The following FOCAD variants were observed in gnomAD, a reference collection of about 807,000 sequenced individuals.
FOCAD encodes KIAA1797.
A neutral mutation model predicts 225.6 loss-of-function variants in FOCAD; 198 were observed. The observed-to-expected ratio is 0.88, with a 90% CI of 0.78 to 0.99. The LOEUF (loss-of-function observed/expected upper bound fraction) is 0.99, where lower values mean the gene tolerates loss of function less well. Ranked by LOEUF, FOCAD falls within the 50% of genes least tolerant of loss-of-function variation. The pLI, the probability that FOCAD is intolerant of heterozygous loss-of-function variation, is 0.00. For synonymous variants in FOCAD, 897 were observed against 755.0 expected (o/e 1.19, Z -3.08); for missense variants, 2,713 against 2,123.6 (o/e 1.28, Z -5.46).
intron 36 of FOCAD, among the ~76,000 whole-genome samples, chr9:20,977,433 C>T (rs984099432): frequency 2.6e-5 from 4 of 152,176 alleles, no homozygotes; most frequent in African/African-American, 9.7e-5. Flanking sequence ...ACCTCAACAC[C>T]TCCAGTTCAT....
chr9:20,879,736 G>A (rs1056211227), intron 19 of FOCAD, among the ~76,000 whole-genome samples: 1 of 152,120 alleles, frequency 6.6e-6, no homozygotes, highest in Non-Finnish European at 1.5e-5. Flanking sequence ...TAGTATTTAC[G>A]GGAAGATGAA....
intron 15 of FOCAD, among the ~76,000 whole-genome samples, chr9:20,840,380 C>T (rs556548132): frequency 1.0e-4 from 15 of 149,928 alleles, no homozygotes; most frequent in African/African-American, 3.7e-4. Context: ...ATCTCTTTTA[C>T]TTCTTTGGTT....
At chr9:20,866,229 ATTATC>A (rs1382457219) in intron 17 of FOCAD, among the ~76,000 whole-genome samples, 1 of 151,044 alleles carries the variant, frequency 6.6e-6, no homozygotes, top group Non-Finnish European at 1.5e-5. Context: ...AACTGTTGAT[ATTATC>A]TTATATTTTT....
intron 6 of FOCAD, among the ~76,000 whole-genome samples, chr9:20,763,022 G>A (rs983572313): frequency 1.3e-5 from 2 of 152,154 alleles, no homozygotes; most frequent in African/African-American, 4.8e-5. Flanking sequence ...ATAACTGATT[G>A]TCTCTGTCAG....
At chr9:20,724,387 T>G (rs745537774) in intron 4 of FOCAD, among the ~76,000 whole-genome samples, 19 of 152,198 alleles carry the variant, frequency 1.2e-4, no homozygotes, top group Admixed American at 3.9e-4. Context: ...TTGGCCAACA[T>G]GTGGAAGAAA....
intron 8 of FOCAD, among the ~76,000 whole-genome samples, chr9:20,774,435 T>C (rs1818558063): frequency 6.6e-6 from 1 of 152,230 alleles, no homozygotes; most frequent in Non-Finnish European, 1.5e-5. Context: ...TCTAATCCTA[T>C]CATTCCTTCT....
intron 2 of FOCAD, among the ~76,000 whole-genome samples, chr9:20,666,427 G>T (rs1329712913): frequency 1.3e-5 from 2 of 152,056 alleles, no homozygotes; most frequent in African/African-American, 2.4e-5. Flanking sequence ...GAAAACAGCT[G>T]GAAGTGGTGG....
intron 1 of FOCAD, among the ~76,000 whole-genome samples, chr9:20,708,474 A>G (rs1824566851): frequency 6.6e-6 from 1 of 152,152 alleles, no homozygotes; most frequent in Admixed American, 6.5e-5. Context: ...AGCTTTAAGA[A>G]TGTACTCTGG....
chr9:20,873,515 CTG>C (rs765919503), intron 18 of FOCAD, among the ~76,000 whole-genome samples: 1 of 152,172 alleles, frequency 6.6e-6, no homozygotes, highest in East Asian at 1.9e-4. Flanking sequence ...ATAGTTATCT[CTG>C]TAAGTATGGC....
chr9:20,940,989 C>CT (rs1236271555), intron 28 of FOCAD, among the ~76,000 whole-genome samples: 1 of 151,672 alleles, frequency 6.6e-6, no homozygotes, highest in Non-Finnish European at 1.5e-5. Flanking sequence ...CTTCCTTCTG[C>CT]TTTTTAACTA....
intron 19 of FOCAD, among the ~76,000 whole-genome samples, chr9:20,876,082 A>G (rs377438361): frequency 8.5e-5 from 13 of 152,340 alleles, no homozygotes; most frequent in African/African-American, 3.1e-4. Flanking sequence ...ATTTCTAGAC[A>G]AAGCTCCTTT....
chr9:20,752,807 C>T (rs546061261), intron 5 of FOCAD, among the ~76,000 whole-genome samples: 1 of 152,016 alleles, frequency 6.6e-6, no homozygotes, highest in Non-Finnish European at 1.5e-5. Flanking sequence ...AAAGTTCTTC[C>T]ATTTGTTTGT....
intron 15 of FOCAD, among the ~76,000 whole-genome samples, 198 bp downstream of exon 15, chr9:20,823,313 G>A (rs143232225): frequency 1.3e-5 from 2 of 152,080 alleles, no homozygotes; most frequent in African/African-American, 4.8e-5. Context: ...CAGTCATGTA[G>A]GCATTCTCTA....
At chr9:20,743,839 G>T (rs921997409) in intron 5 of FOCAD, among the ~76,000 whole-genome samples, 4 of 152,314 alleles carry the variant, frequency 2.6e-5, no homozygotes, top group Non-Finnish European at 4.4e-5. Flanking sequence ...CCATACGTGA[G>T]CTTCAAGGTC....
At position 20,756,260 on chromosome 9, in the gene FOCAD, G is replaced by T. The variant is rs578023911; in HGVS notation, c.393-1830G>T. On this transcript the variant is annotated intron_variant, in intron 5 of 43. Transcript: ENST00000338382. ...TGCTTTAGCAAGCAGGAGGCTGCCA[G>T]CATGTGAAGTTAGTTAGTACATGAT... 2.0e-5 allele frequency among the ~76,000 whole-genome samples: 3 copies of T among 152,266 alleles called. No individual in the cohort carries two copies. In the South Asian group the frequency reaches 6.2e-4, roughly 32 times the overall value.
Position 20,820,338 on chromosome 9 carries a change from A to C in FOCAD, c.1575A>C (p.Gln525His), listed in dbSNP as rs1824181795. The C allele has an allele frequency of 1.2e-6, 2 of 1,612,212 alleles. No individual in the cohort carries two copies. Among genetic ancestry groups the C allele is most frequent in the East Asian group, 2.2e-5 (1 of 44,784 alleles). Residue 525 changes from glutamine to histidine, a missense_variant, in exon 13 of 44, where the codon CAA becomes CAC. Gln to His is a conservative substitution (Grantham distance 24). Coordinates refer to ENST00000338382, the MANE Select transcript of FOCAD (RefSeq NM_001375567.1). ...KLGVHKVCIGQILRIIQLLGT... is the reference protein window; with the variant it reads ...KLGVHKVCIGHILRIIQLLGT... ...ATATTTTCTAGGTGTGTATAGGACA[A>C]ATTCTACGAATAATACAACTACTTG...
At position 20,974,644 on chromosome 9, in the gene FOCAD, C is replaced by T. The variant is rs867727271; in HGVS notation, c.4133-1776C>T. 5.5e-4 allele frequency among the ~76,000 whole-genome samples: 81 copies of T among 146,918 alleles called. 2 individuals are homozygous for T. The highest frequency in any genetic ancestry group is 1.9e-3 in the African/African-American group (74 of 38,850). ...CTTCTCATTTCTGCTGCTGTTTTCA[C>T]GTTTGCTGACTCTACCCTACTTCCC... On this transcript the variant is annotated intron_variant, in intron 35 of 43. Coordinates refer to ENST00000338382, the MANE Select transcript of FOCAD (RefSeq NM_001375567.1).
intron 35 of FOCAD, among the ~76,000 whole-genome samples, chr9:20,969,921 C>T (rs1186344851): frequency 2.6e-5 from 4 of 150,990 alleles, no homozygotes; most frequent in Non-Finnish European, 4.4e-5. Flanking sequence ...CTTTGTTTTT[C>T]TGTATATGTC....
chr9:20,698,759 A>T (rs1007712215), intron 1 of FOCAD, among the ~76,000 whole-genome samples: 5 of 152,208 alleles, frequency 3.3e-5, no homozygotes, highest in Non-Finnish European at 7.3e-5. Flanking sequence ...ACATTATTAA[A>T]ACTCTTTACA....
Sources: gnomAD v4.1 joint callset for allele counts (sites outside exome capture counted in the v4.1 genomes callset) on GRCh38, gnomAD v4.1.1 for gene constraint, MANE v1.5 for transcripts, NCBI Gene and HGNC (gene_info 2026-07-23, HGNC 2026-07-21) for gene names.